The following LRRC14 variants were observed in gnomAD, a reference collection of about 807,000 sequenced individuals.
LRRC14 encodes the protein leucine rich repeat containing 14.
Under a neutral mutation model 25.3 loss-of-function variants are expected in LRRC14, and 16 were observed. The ratio of observed to expected loss-of-function variants is 0.63; its 90% confidence interval spans 0.43 to 0.96. The LOEUF (loss-of-function observed/expected upper bound fraction) is 0.96. Ranked by LOEUF, LRRC14 falls within the 40% of genes least tolerant of loss-of-function variation. The pLI, the probability that LRRC14 is intolerant of heterozygous loss-of-function variation, is 0.00. For synonymous variants in LRRC14, 359 were observed against 295.1 expected (o/e 1.22, Z -2.22); for missense variants, 594 against 660.5 (o/e 0.90, Z 1.10).
chr8:144,525,115 T>G lies in LRRC14; in HGVS notation c.*3637T>G. On this transcript the variant is annotated 3_prime_UTR_variant, in exon 4 of 4. Coordinates refer to ENST00000292524, the MANE Select transcript of LRRC14 (RefSeq NM_014665.4). ...ATGGAGGCCTGCACCTGCGTCTAACTTTTGACGCTATAAATAGGTTCAAGA... is the reference window on the plus strand; with the variant it reads ...ATGGAGGCCTGCACCTGCGTCTAACGTTTGACGCTATAAATAGGTTCAAGA... 1.1e-6 allele frequency: 1 copy of G among 918,806 alleles called. No homozygotes were observed. Among genetic ancestry groups the G allele is most frequent in the Non-Finnish European group, 1.5e-6 (1 of 674,168 alleles). 56.9% of individuals were successfully genotyped at this position (918,806 alleles called of 1,614,324 possible).
Position 144,524,905 on chromosome 8 carries a change from G to C in LRRC14, c.*3427G>C, listed in dbSNP as rs1045679264. 1.3e-6 allele frequency: 2 copies of C among 1,514,688 alleles called. No homozygotes were observed. Among genetic ancestry groups the C allele is most frequent in the African/African-American group, 2.8e-5 (2 of 72,070 alleles). The allele number at this position is 1,514,688 out of a possible 1,614,324, so 93.8% of individuals were successfully genotyped here. On this transcript the variant is annotated 3_prime_UTR_variant, in exon 4 of 4. Coordinates refer to ENST00000292524, the MANE Select transcript of LRRC14 (RefSeq NM_014665.4). ...GCGCTGTAGCAGCGGCAGGCTGCTG[G>C]GCAGCCGGCGGCGCGGAGCGGCAGT...
At position 144,524,318 on chromosome 8, in the gene LRRC14, G is replaced by A. The variant is rs1236268795; in HGVS notation, c.*2840G>A. ...GCAGATCGTGAGGAAAAAGGGCGCCGAGGTTGGGGGCATGTCTCTCTTCTT... is the reference window on the plus strand; with the variant it reads ...GCAGATCGTGAGGAAAAAGGGCGCCAAGGTTGGGGGCATGTCTCTCTTCTT... On this transcript the variant is annotated 3_prime_UTR_variant, in exon 4 of 4. Coordinates refer to ENST00000292524, the MANE Select transcript of LRRC14 (RefSeq NM_014665.4). 1.9e-6 allele frequency: 3 copies of A among 1,603,790 alleles called. No homozygotes were observed. Among genetic ancestry groups the A allele is most frequent in the Middle Eastern group, 1.7e-4 (1 of 6,056 alleles).
Position 144,521,475 on chromosome 8 carries a change from A to G in LRRC14, c.1479A>G (p.Leu493=). 6.3e-7 allele frequency: 1 copy of G among 1,595,468 alleles called. No individual in the cohort carries two copies. The highest frequency in any genetic ancestry group is 8.5e-7 in the Non-Finnish European group (1 of 1,175,356). ...GACTGGCTGCGGACTACTTCAGCCT[A>G]TGATGAAGTAGCTCTGGGTGAGACA... ...YGRLAADYFS[L] The change falls in exon 4 of 4, where the codon CTA becomes CTG. Residue 493 remains leucine, a synonymous_variant. Transcript: ENST00000292524.
Position 144,521,122 on chromosome 8 carries a change from C to T in LRRC14, c.1126C>T (p.Gln376Ter). The change falls in exon 4 of 4, where the codon CAG becomes TAG. Residue 376 changes from glutamine (Q) to a stop codon, truncating the protein, a stop_gained. Transcript: ENST00000292524. LOFTEE classifies it low-confidence loss of function (END_TRUNC). Reference sequence around the variant, plus strand: ...GTTGCATCTGGAGCTGACTGAGTGTCAGCTCGCAGACACCCAGCTGTTGGC... The same window carrying T: ...GTTGCATCTGGAGCTGACTGAGTGTTAGCTCGCAGACACCCAGCTGTTGGC... ...TLLHLELTECQLADTQLLATL... is the reference protein window; with the variant it reads ...TLLHLELTEC 1.2e-6 allele frequency: 2 copies of T among 1,613,056 alleles called. No individual in the cohort carries two copies. The highest frequency in any genetic ancestry group is 1.7e-6 in the Non-Finnish European group (2 of 1,180,028).
chr8:144,520,372 C>T lies in LRRC14; in HGVS notation c.464C>T (p.Ala155Val). The stretch of plus-strand genomic sequence containing the variant: ...TGCATTGCCCAGCAGCAGGGTGGGG[C>T]CGCAGAGCCTGGGCCAGCCCCCATC... Reference protein sequence around the residue: ...RTCIAQQQGGAAEPGPAPIPV... With the variant: ...RTCIAQQQGGVAEPGPAPIPV... The change falls in exon 3 of 4, where the codon GCC becomes GTC. Residue 155 changes from alanine to valine, a missense_variant. Transcript: ENST00000292524. The T allele has an allele frequency of 1.9e-6, 3 of 1,610,922 alleles. No individual in the cohort carries two copies. In the South Asian group the frequency reaches 3.3e-5, roughly 18 times the overall value.
Position 144,521,547 on chromosome 8 carries a change from C to A in LRRC14, c.*69C>A, listed in dbSNP as rs1390433793. On this transcript the variant is annotated 3_prime_UTR_variant, in exon 4 of 4. Coordinates refer to ENST00000292524, the MANE Select transcript of LRRC14 (RefSeq NM_014665.4). ...TAGGTAGGCAGGGCCTTTGCTGGGA[C>A]CCCTGGTGGAGGCCTTCACAAAAGC... 2 of 1,457,812 alleles carry A rather than the reference C, an allele frequency of 1.4e-6. No homozygotes were observed. The highest frequency in any genetic ancestry group is 1.4e-5 in the African/African-American group (1 of 71,236). 90.3% of individuals were successfully genotyped at this position (1,457,812 alleles called of 1,614,324 possible).
rs1816013219 is a variant in LRRC14 at position 144,521,157 on chromosome 8, C to T, written c.1161C>T (p.Pro387=). ...ACACCCAGCTGTTGGCCACACTACCCATCCTGACTCAGTGCGCCAGTCTCC... is the reference window on the plus strand; with the variant it reads ...ACACCCAGCTGTTGGCCACACTACCTATCCTGACTCAGTGCGCCAGTCTCC... ...LADTQLLATL[P]ILTQCASLRY... Residue 387 remains proline, a synonymous_variant, in exon 4 of 4, where the codon CCC becomes CCT. Coordinates refer to ENST00000292524, the MANE Select transcript of LRRC14 (RefSeq NM_014665.4). 1.2e-6 allele frequency: 2 copies of T among 1,613,152 alleles called. No homozygotes were observed. Among genetic ancestry groups the T allele is most frequent in the Non-Finnish European group, 1.7e-6 (2 of 1,180,032 alleles).
At position 144,525,002 on chromosome 8, in the gene LRRC14, C is replaced by G; in HGVS notation, c.*3524C>G. 1.4e-6 allele frequency: 2 copies of G among 1,422,508 alleles called. No individual in the cohort carries two copies. Among genetic ancestry groups the G allele is most frequent in the East Asian group, 2.7e-5 (1 of 37,372 alleles). 88.1% of individuals were successfully genotyped at this position (1,422,508 alleles called of 1,614,324 possible). A position where few individuals can be genotyped will look rare whatever the true frequency, so the allele number is the denominator to read the frequency against. On this transcript the variant is annotated 3_prime_UTR_variant, in exon 4 of 4. Transcript: ENST00000292524. Reference sequence around the variant, plus strand: ...CCCGAGGCCCGGTTCCTCACCGGCCCTTCCGCGGTTCAGCCGCAGACGCGT... The same window carrying G: ...CCCGAGGCCCGGTTCCTCACCGGCCGTTCCGCGGTTCAGCCGCAGACGCGT...
In LRRC14 at chr8:144,522,409, G is replaced by A. The variant is rs1159129223; in HGVS notation, c.*931G>A. The A allele has an allele frequency of 2.2e-6, 3 of 1,369,798 alleles. No individual in the cohort carries two copies. Among genetic ancestry groups the A allele is most frequent in the Non-Finnish European group, 2.8e-6 (3 of 1,069,026 alleles). 84.9% of individuals were successfully genotyped at this position (1,369,798 alleles called of 1,614,324 possible). The stretch of plus-strand genomic sequence containing the variant: ...ACACTGCGCGGCTTCCACCTTTACT[G>A]ACGGAGCATGCGCGAGGCCGCACCG... On this transcript the variant is annotated 3_prime_UTR_variant, in exon 4 of 4. Transcript: ENST00000292524.
chr8:144,521,443 T>G lies in LRRC14; in HGVS notation c.1447T>G (p.Tyr483Asp). The change falls in exon 4 of 4, where the codon TAC (tyrosine) becomes GAC (aspartate). Residue 483 changes from tyrosine (Y) to aspartate (D), a missense_variant. By Grantham distance (160) the Tyr-to-Asp change is radical. Transcript: ENST00000292524. Reference sequence around the variant, plus strand: ...CCATGTGCTCTGGACCACGGACATCTACGGGCGACTGGCTGCGGACTACTT... The same window carrying G: ...CCATGTGCTCTGGACCACGGACATCGACGGGCGACTGGCTGCGGACTACTT... Reference protein sequence around the residue: ...RAHVLWTTDIYGRLAADYFSL With the variant: ...RAHVLWTTDIDGRLAADYFSL 1 of 1,606,440 alleles carries G rather than the reference T, an allele frequency of 6.2e-7. No homozygotes were observed. The highest frequency in any genetic ancestry group is 8.5e-7 in the Non-Finnish European group (1 of 1,179,406).
At position 144,520,484 on chromosome 8, in the gene LRRC14, G is replaced by C. The variant is rs548697837; in HGVS notation, c.576G>C (p.Pro192=). The change falls in exon 3 of 4, where the codon CCG becomes CCC. Residue 192 remains proline (P), a synonymous_variant. Transcript: ENST00000292524. ...CACTCCGAAGCAGCGTGGGCAGCCCGCTGCGGCTCTGCTGCCGGGACCTGC... is the reference window on the plus strand; with the variant it reads ...CACTCCGAAGCAGCGTGGGCAGCCCCCTGCGGCTCTGCTGCCGGGACCTGC... ...REALRSSVGS[P]LRLCCRDLRA... 1.4e-5 allele frequency: 22 copies of C among 1,597,998 alleles called. No individual in the cohort carries two copies. The highest frequency in any genetic ancestry group is 4.4e-5 in the South Asian group (4 of 90,962).
chr8:144,524,387 C>T lies in LRRC14; in HGVS notation c.*2909C>T, dbSNP rs930394652. ...GCCTTTTCTAACTATTCCAGCCCTA[C>T]AGGGCGAGGGGCCATAATGGAGTAT... is the stretch of plus-strand genomic sequence containing the variant. On this transcript the variant is annotated 3_prime_UTR_variant, in exon 4 of 4. Transcript: ENST00000292524. 4.4e-6 allele frequency: 7 copies of T among 1,593,836 alleles called. No individual in the cohort carries two copies. The highest frequency in any genetic ancestry group is 4.2e-6 in the Non-Finnish European group (5 of 1,176,916).
Position 144,519,883 on chromosome 8 carries a change from C to G in LRRC14, c.158C>G (p.Thr53Arg), listed in dbSNP as rs201360371. The G allele has an allele frequency of 2.1e-5, 34 of 1,613,384 alleles. No homozygotes were observed. The highest frequency in any genetic ancestry group is 3.4e-6 in the Non-Finnish European group (4 of 1,180,044). ...GTGGTACTGCGCGAGTTGGTACACA[C>G]GTGGCCCTTCCCGCTGCTCAGTTTC... is the stretch of plus-strand genomic sequence containing the variant. Reference protein sequence around the residue: ...KTVVLRELVHTWPFPLLSFQQ... With the variant: ...KTVVLRELVHRWPFPLLSFQQ... The change falls in exon 2 of 4, where the codon ACG (threonine) becomes AGG (arginine). Residue 53 changes from threonine (T) to arginine (R), a missense_variant. By Grantham distance (71) the Thr-to-Arg change is moderately conservative. Transcript: ENST00000292524.
Position 144,520,579 on chromosome 8 carries a change from G to A in LRRC14, c.671G>A (p.Arg224His), listed in dbSNP as rs765442195. ...LQLLDAGCLR[R>H]VDLRFNNLGL... is the part of the protein sequence containing the mutation. ...CTTCTGGATGCAGGCTGCCTGCGCC[G>A]CGTGGACCTGCGCTTCAACAATCTG... Residue 224 changes from arginine (R) to histidine (H), a missense_variant, in exon 3 of 4, where the codon CGC (arginine) becomes CAC (histidine). Transcript: ENST00000292524. 12 of 1,600,400 alleles carry A rather than the reference G, an allele frequency of 7.5e-6. No homozygotes were observed. Among genetic ancestry groups the A allele is most frequent in the East Asian group, 2.2e-5 (1 of 44,900 alleles).
At position 144,520,028 on chromosome 8, in the gene LRRC14, T is replaced by C; in HGVS notation, c.303T>C (p.Pro101=). The change falls in exon 2 of 4, where the codon CCT becomes CCC. Residue 101 remains proline, a synonymous_variant. Coordinates refer to ENST00000292524, the MANE Select transcript of LRRC14 (RefSeq NM_014665.4). ...CTGCCCGGCTCCACACCTCAGAGCCTGGGGCCAGCACACAGCCCCTCTGCA... is the reference window on the plus strand; with the variant it reads ...CTGCCCGGCTCCACACCTCAGAGCCCGGGGCCAGCACACAGCCCCTCTGCA... ...GLTARLHTSE[P]GASTQPLCRK... is the part of the protein sequence containing the mutation. 6.2e-7 allele frequency: 1 copy of C among 1,608,334 alleles called. No homozygotes were observed. Among genetic ancestry groups the C allele is most frequent in the Non-Finnish European group, 8.5e-7 (1 of 1,178,912 alleles).
rs1014902250 is a variant in LRRC14 at position 144,522,338 on chromosome 8, C to T, written c.*860C>T. The T allele has an allele frequency of 1.6e-5, 20 of 1,275,900 alleles. No homozygotes were observed. In the African/African-American group the frequency reaches 2.5e-4, roughly 16 times the overall value. 79.0% of individuals were successfully genotyped at this position (1,275,900 alleles called of 1,614,324 possible). ...CACCTTCCATTGCTACCCCAGGATTCCCGAGTGCAACGTTCCCGGCTCGCG... is the reference window on the plus strand; with the variant it reads ...CACCTTCCATTGCTACCCCAGGATTTCCGAGTGCAACGTTCCCGGCTCGCG... On this transcript the variant is annotated 3_prime_UTR_variant, in exon 4 of 4. Transcript: ENST00000292524.
chr8:144,523,814 GCTGT>G lies in LRRC14; in HGVS notation c.*2339_*2342del. 2.2e-6 allele frequency: 1 copy of G among 463,680 alleles called. No individual in the cohort carries two copies. 28.7% of individuals were successfully genotyped at this position (463,680 alleles called of 1,614,324 possible). On this transcript the variant is annotated 3_prime_UTR_variant, in exon 4 of 4. Transcript: ENST00000292524. The stretch of plus-strand genomic sequence containing the variant: ...TTGGGAATGTCCCCAGTCCTGGTCA[GCTGT>G]CTCTCTCCTTTGCAATTTTGTCTGC...
intron 1 of LRRC14, 179 bp from the exon 2 acceptor site, chr8:144,519,436 A>C: frequency 1.9e-6 from 1 of 522,308 alleles, no homozygotes; most frequent in South Asian, 2.4e-5. Context: ...CAAGCAAGCG[A>C]GTTGTTGACG....
In LRRC14 at chr8:144,524,669, C is replaced by CT. The variant is rs1816288511; in HGVS notation, c.*3191_*3192insT. 4.7e-6 allele frequency: 7 copies of CT among 1,487,380 alleles called. No homozygotes were observed. The highest frequency in any genetic ancestry group is 1.5e-5 in the African/African-American group (1 of 68,922). The allele number at this position is 1,487,380 out of a possible 1,614,324, so 92.1% of individuals were successfully genotyped here. On this transcript the variant is annotated 3_prime_UTR_variant, in exon 4 of 4. Transcript: ENST00000292524. ...GCCGGCGCAGAGCGGCGAGTGGCGC[C>CT]AGGGCTCCCGGCTCTAGGCGGGCGA...
Sources: allele counts gnomAD v4.1 joint callset, GRCh38; gene constraint gnomAD v4.1.1; transcripts MANE v1.5; gene names NCBI Gene and HGNC (gene_info 2026-07-23, HGNC 2026-07-21).